Variants in INTS5 observed in about 807,000 individuals in gnomAD.
INTS5 encodes the protein integrator complex subunit 5, also known as KIAA1698.
A neutral mutation model predicts 60.0 loss-of-function variants in INTS5; 29 were observed. The ratio of observed to expected loss-of-function variants is 0.48; its 90% confidence interval spans 0.36 to 0.66. The LOEUF (loss-of-function observed/expected upper bound fraction) is 0.66, where lower values mean the gene tolerates loss of function less well. INTS5 is among the 30% of genes least tolerant of loss of function. The probability of loss-of-function intolerance (pLI) is 0.00; values close to 1 mark genes in which losing one functional copy is unlikely to be tolerated. For missense variants in INTS5, 1,129 were observed against 1,307.9 expected (o/e 0.86, Z 2.11); for synonymous variants, 588 against 558.8 (o/e 1.05, Z -0.74).
At chr11:62,652,297 A>G (rs1944601618) in intron 1 of INTS5, among the ~76,000 whole-genome samples, 2 of 151,802 alleles carry the variant, frequency 1.3e-5, no homozygotes, top group Non-Finnish European at 2.9e-5. Context: ...CCAGCCTGGG[A>G]GTCAGGGCGA....
Position 62,649,316 on chromosome 11 carries a change from C to G in INTS5, c.764G>C (p.Gly255Ala). Reference protein sequence around the residue: ...CGLKDFCVHGGAGGGAGSSGG... With the variant: ...CGLKDFCVHGAAGGGAGSSGG... ...ACTACTGCCAGCTCCACCTCCAGCC[C>G]CACCATGGACACAAAAGTCCTTAAG... The change falls in exon 2 of 2, where the codon GGG becomes GCG. Residue 255 changes from glycine to alanine, a missense_variant. Physicochemically the swap from Gly to Ala is moderately conservative, Grantham distance 60. This residue lies in a region of INTS5 where 1,070 missense variants were observed against 1,246.1 expected (regional missense o/e 0.86). Coordinates refer to ENST00000330574, the MANE Select transcript of INTS5 (RefSeq NM_030628.2). The surrounding 1 kb of genome is among the most constrained non-coding windows in gnomAD (Gnocchi z 6.0). The G allele has an allele frequency of 6.2e-7, 1 of 1,614,154 alleles. No individual in the cohort carries two copies. The highest frequency in any genetic ancestry group is 8.5e-7 in the Non-Finnish European group (1 of 1,180,042).
At chr11:62,651,277 A>G (rs1051263455) in intron 1 of INTS5, among the ~76,000 whole-genome samples, 3 of 151,696 alleles carry the variant, frequency 2.0e-5, no homozygotes, top group African/African-American at 7.3e-5. Flanking sequence ...CGCCCGGCTA[A>G]TATTTTTTTT....
In INTS5 at chr11:62,647,486, G is replaced by A; in HGVS notation, c.2594C>T (p.Ala865Val). 1 of 1,605,192 alleles carries A rather than the reference G, an allele frequency of 6.2e-7. No individual in the cohort carries two copies. Among genetic ancestry groups the A allele is most frequent in the Non-Finnish European group, 8.5e-7 (1 of 1,174,558 alleles). Residue 865 changes from alanine to valine, a missense_variant, in exon 2 of 2, where the codon GCA becomes GTA. Physicochemically the swap from Ala to Val is moderately conservative, Grantham distance 64 (BLOSUM62 0). This residue lies in a region of INTS5 where 1,070 missense variants were observed against 1,246.1 expected (regional missense o/e 0.86). Transcript: ENST00000330574. ...PLLFELLKLV[A>V]AAPPALCYCS... The stretch of plus-strand genomic sequence containing the variant: ...GTAGCACAGGGCTGGGGGTGCAGCT[G>A]CTACCAGCTTTAACAGCTCAAAGAG...
chr11:62,653,113 G>A, intron 1 of INTS5, 57 bp downstream of exon 1: 1 of 1,073,836 alleles, frequency 9.3e-7, no homozygotes, highest in South Asian at 4.8e-5. Context: ...TACCGAGAAG[G>A]CTAGGGATCG....
rs974821248 is a variant in INTS5 at position 62,653,278 on chromosome 11, G to C, written c.-29C>G. 88 of 1,236,934 alleles carry C rather than the reference G, an allele frequency of 7.1e-5. No individual in the cohort carries two copies. The African/African-American group carries it at 1.1e-3, about 16-fold the overall frequency. The allele number at this position is 1,236,934 out of a possible 1,614,324, so 76.6% of individuals were successfully genotyped here. On this transcript the variant is annotated 5_prime_UTR_variant, in exon 1 of 2. Coordinates refer to ENST00000330574, the MANE Select transcript of INTS5 (RefSeq NM_030628.2). ...GGAGCCCGAGCCGAGCCCGAGGCGC[G>C]AGCGGCGGAGCGCAGGCGGCGCATG...
In INTS5 at chr11:62,647,606, G is replaced by A; in HGVS notation, c.2474C>T (p.Ala825Val). The change falls in exon 2 of 2, where the codon GCT becomes GTT. Residue 825 changes from alanine to valine, a missense_variant. Coordinates refer to ENST00000330574, the MANE Select transcript of INTS5 (RefSeq NM_030628.2). ...TLVESVCPDA[A>V]GAELAWPPEE... is the part of the protein sequence containing the mutation. ...GGGGGGCCAGGCCAGCTCTGCACCAGCTGCATCGGGACACACACTCTCCAC... is the reference window on the plus strand; with the variant it reads ...GGGGGGCCAGGCCAGCTCTGCACCAACTGCATCGGGACACACACTCTCCAC... 6.2e-7 allele frequency: 1 copy of A among 1,614,022 alleles called. No homozygotes were observed. The highest frequency in any genetic ancestry group is 2.2e-5 in the East Asian group (1 of 44,886).
chr11:62,647,817 C>T lies in INTS5; in HGVS notation c.2263G>A (p.Gly755Ser), dbSNP rs1944543945. The T allele has an allele frequency of 4.3e-6, 7 of 1,614,216 alleles. No homozygotes were observed. Among genetic ancestry groups the T allele is most frequent in the Non-Finnish European group, 5.9e-6 (7 of 1,180,042 alleles). Reference protein sequence around the residue: ...IWSVFHAGVIGRGLKPPKFVQ... With the variant: ...IWSVFHAGVISRGLKPPKFVQ... Reference sequence around the variant, plus strand: ...AACTTGGGTGGCTTTAAGCCACGGCCGATGACTCCAGCATGGAAAACTGAC... The same window carrying T: ...AACTTGGGTGGCTTTAAGCCACGGCTGATGACTCCAGCATGGAAAACTGAC... The change falls in exon 2 of 2, where the codon GGC becomes AGC. Residue 755 changes from glycine (G) to serine (S), a missense_variant. Coordinates refer to ENST00000330574, the MANE Select transcript of INTS5 (RefSeq NM_030628.2).
In INTS5 at chr11:62,648,722, C is replaced by T. The variant is rs769984164; in HGVS notation, c.1358G>A (p.Arg453Gln). ...CACCCCTTCCCCAGGAGACCCTCCC[C>T]GGTGATGAACCAGTTTTTGCAGGTG... is the stretch of plus-strand genomic sequence containing the variant. The part of the protein sequence containing the change: ...LLHLQKLVHH[R>Q]GGSPGEGVLG... Residue 453 changes from arginine (R) to glutamine (Q), a missense_variant, in exon 2 of 2, where the codon CGG becomes CAG. Physicochemically the swap from Arg to Gln is conservative, Grantham distance 43. Transcript: ENST00000330574. This position sits in a 1 kb window ranked among gnomAD's most constrained non-coding sequence, Gnocchi z 4.4. 9 of 1,614,032 alleles carry T rather than the reference C, an allele frequency of 5.6e-6. No homozygotes were observed. The highest frequency in any genetic ancestry group is 2.2e-5 in the East Asian group (1 of 44,894).
At position 62,646,963 on chromosome 11, in the gene INTS5, T is replaced by G; in HGVS notation, c.*57A>C. Reference sequence around the variant, plus strand: ...GAAACCTCCACCCTTCCGGAGCACGTTAGTCCCTTCCCTCTCTCACTGCTC... The same window carrying G: ...GAAACCTCCACCCTTCCGGAGCACGGTAGTCCCTTCCCTCTCTCACTGCTC... On this transcript the variant is annotated 3_prime_UTR_variant, in exon 2 of 2. Transcript: ENST00000330574. 7.1e-7 allele frequency: 1 copy of G among 1,398,768 alleles called. No homozygotes were observed. Among genetic ancestry groups the G allele is most frequent in the South Asian group, 1.2e-5 (1 of 80,318 alleles). 86.6% of individuals were successfully genotyped at this position (1,398,768 alleles called of 1,614,324 possible).
chr11:62,648,944 A>G lies in INTS5; in HGVS notation c.1136T>C (p.Phe379Ser). The G allele has an allele frequency of 6.2e-7, 1 of 1,612,484 alleles. No homozygotes were observed. Among genetic ancestry groups the G allele is most frequent in the Non-Finnish European group, 8.5e-7 (1 of 1,179,216 alleles). Residue 379 changes from phenylalanine to serine, a missense_variant, in exon 2 of 2, where the codon TTC becomes TCC. Phe to Ser is a radical substitution (Grantham distance 155). Transcript: ENST00000330574. This position sits in a 1 kb window ranked among gnomAD's most constrained non-coding sequence, Gnocchi z 4.4. ...CATGTTGTCCAGCTCCTCTCGGGGG[A>G]ATCCTTGAAGGTGTTGCTGCAGCTG... ...LSQLQQHLQG[F>S]PREELDNMLN...
At chr11:62,650,095 A>AAGTATTTTTATTATCCC in intron 1 of INTS5, 96 bp from the exon 2 acceptor site, 1 of 950,940 alleles carries the variant, frequency 1.1e-6, no homozygotes. Context: ...TTAAATAGGG[A>AAGTATTTTTATTATCCC]TAATAAAAAT....
Position 62,648,245 on chromosome 11 carries a change from G to A in INTS5, c.1835C>T (p.Pro612Leu). The change falls in exon 2 of 2, where the codon CCT (proline) becomes CTT (leucine). Residue 612 changes from proline to leucine, a missense_variant. Physicochemically the swap from Pro to Leu is moderately conservative, Grantham distance 98. This residue lies in a region of INTS5 where 1,070 missense variants were observed against 1,246.1 expected (regional missense o/e 0.86). Transcript: ENST00000330574. This position sits in a 1 kb window ranked among gnomAD's most constrained non-coding sequence, Gnocchi z 4.4. ...TTCCTCCTCAGGATGTAGCAGGAGAGGAGCCAGGTCAGACAGATGGGCTGA... is the reference window on the plus strand; with the variant it reads ...TTCCTCCTCAGGATGTAGCAGGAGAAGAGCCAGGTCAGACAGATGGGCTGA... ...SASAHLSDLA[P>L]LLLHPEEEVA... The A allele has an allele frequency of 6.2e-7, 1 of 1,613,868 alleles. No individual in the cohort carries two copies. Among genetic ancestry groups the A allele is most frequent in the Non-Finnish European group, 8.5e-7 (1 of 1,180,034 alleles).
intron 1 of INTS5, among the ~76,000 whole-genome samples, chr11:62,651,317 G>A (rs539804552): frequency 6.6e-5 from 10 of 151,648 alleles, no homozygotes; most frequent in East Asian, 5.9e-4. Flanking sequence ...GGGTTTCACC[G>A]TGTTAGCCAG....
chr11:62,652,165 C>CA (rs559845253), intron 1 of INTS5, among the ~76,000 whole-genome samples: 114,409 of 131,028 alleles, frequency 0.87, 50,645 homozygotes, highest in East Asian at 0.97. Flanking sequence ...ATTAAAAATA[C>CA]AAAAAAAAAA....
Position 62,649,897 on chromosome 11 carries a change from G to A in INTS5, c.183C>T (p.Leu61=), listed in dbSNP as rs961626946. 6.2e-7 allele frequency: 1 copy of A among 1,614,206 alleles called. No homozygotes were observed. Among genetic ancestry groups the A allele is most frequent in the Non-Finnish European group, 8.5e-7 (1 of 1,180,046 alleles). ...SAREHARCGL[L]LLRSLPPARA... ...GAGCAGGTGGCAAAGAACGGAGCAG[G>A]AGAAGACCACAGCGAGCATGTTCCC... The change falls in exon 2 of 2, where the codon CTC becomes CTT. Residue 61 remains leucine (L), a synonymous_variant. Coordinates refer to ENST00000330574, the MANE Select transcript of INTS5 (RefSeq NM_030628.2). This position sits in a 1 kb window ranked among gnomAD's most constrained non-coding sequence, Gnocchi z 6.0.
chr11:62,648,666 G>A lies in INTS5; in HGVS notation c.1414C>T (p.Pro472Ser). The change falls in exon 2 of 2, where the codon CCC (proline) becomes TCC (serine). Residue 472 changes from proline (P) to serine (S), a missense_variant. Transcript: ENST00000330574. This position sits in a 1 kb window ranked among gnomAD's most constrained non-coding sequence, Gnocchi z 4.4. ...LGPPPPPRLV[P>S]FLDALKNHVG... ...TGGTTTTTGAGCGCATCTAAAAAGG[G>A]CACCAAGCGGGGAGGTGGGGGCGGG... The A allele has an allele frequency of 6.2e-7, 1 of 1,614,020 alleles. No individual in the cohort carries two copies. The highest frequency in any genetic ancestry group is 8.5e-7 in the Non-Finnish European group (1 of 1,179,958).
intron 1 of INTS5, among the ~76,000 whole-genome samples, chr11:62,652,275 C>T (rs1267313408): frequency 6.6e-6 from 1 of 151,900 alleles, no homozygotes; most frequent in African/African-American, 2.4e-5. Flanking sequence ...GCCGAGATCA[C>T]GCCACTGCAC....
chr11:62,651,673 C>T (rs2134583575), intron 1 of INTS5, among the ~76,000 whole-genome samples: 1 of 151,972 alleles, frequency 6.6e-6, no homozygotes, highest in African/African-American at 2.4e-5. Context: ...GTCTGAGGAA[C>T]ATAGTGAAAC....
At position 62,648,865 on chromosome 11, in the gene INTS5, G is replaced by C. The variant is rs551589391; in HGVS notation, c.1215C>G (p.Arg405=). Residue 405 remains arginine, a synonymous_variant, in exon 2 of 2, where the codon CGC becomes CGG. Coordinates refer to ENST00000330574, the MANE Select transcript of INTS5 (RefSeq NM_030628.2). This position sits in a 1 kb window ranked among gnomAD's most constrained non-coding sequence, Gnocchi z 4.4. ...VSQASGAGAY[R]LLQFLVDTAM... is the part of the protein sequence containing the mutation. ...CTGTGTCCACCAGGAACTGCAGCAA[G>C]CGGTAGGCACCTGCCCCAGAGGCCT... 3 of 1,613,840 alleles carry C rather than the reference G, an allele frequency of 1.9e-6. No homozygotes were observed. The highest frequency in any genetic ancestry group is 2.5e-6 in the Non-Finnish European group (3 of 1,180,044).
Sources: allele counts gnomAD v4.1 joint callset (sites outside exome capture counted in the v4.1 genomes callset), GRCh38; gene constraint gnomAD v4.1.1; regional missense constraint gnomAD v4.1.1; non-coding constraint Gnocchi (gnomAD v3.1); transcripts MANE v1.5; gene names NCBI Gene and HGNC (gene_info 2026-07-23, HGNC 2026-07-21).